Variants in CNTN5 observed in about 807,000 individuals in gnomAD.
The protein encoded by CNTN5 is contactin 5.
CNTN5 carries 77 observed loss-of-function variants against 129.1 expected under a neutral mutation model. The ratio of observed to expected loss-of-function variants is 0.60; its 90% CI spans 0.50 to 0.72. The LOEUF is 0.72. Ranked by LOEUF, CNTN5 falls within the 30% of genes least tolerant of loss-of-function variation. The pLI, the probability that CNTN5 is intolerant of heterozygous loss-of-function variation, is 0.00. For synonymous variants in CNTN5, 509 were observed against 465.6 expected (o/e 1.09, Z -1.20); for missense variants, 1,478 against 1,328.8 (o/e 1.11, Z -1.75).
intron 2 of CNTN5, among the ~76,000 whole-genome samples, chr11:99,414,302 T>G (rs541121445): frequency 2.6e-5 from 4 of 152,110 alleles, no homozygotes; most frequent in African/African-American, 9.6e-5. Context: ...TTGAGCTGGG[T>G]GTGTTGGTGA....
chr11:99,146,179 A>G (rs535124375), intron 1 of CNTN5, among the ~76,000 whole-genome samples: 3 of 152,266 alleles, frequency 2.0e-5, no homozygotes, highest in Non-Finnish European at 4.4e-5. Flanking sequence ...TATTTGTATT[A>G]TATTTAGCCA....
chr11:99,042,588 G>A (rs1031934626), intron 1 of CNTN5, among the ~76,000 whole-genome samples: 2 of 151,864 alleles, frequency 1.3e-5, no homozygotes, highest in Non-Finnish European at 2.9e-5. Context: ...TGTTAGCCAG[G>A]ATGGTCTCGA....
intron 1 of CNTN5, among the ~76,000 whole-genome samples, chr11:99,292,442 T>C (rs1864210520): frequency 6.6e-6 from 1 of 151,960 alleles, no homozygotes; most frequent in African/African-American, 2.4e-5. Context: ...TTTGCTGTTT[T>C]CAGTTCCAAT....
intron 8 of CNTN5, among the ~76,000 whole-genome samples, chr11:99,995,208 C>G (rs919570295): frequency 6.6e-6 from 1 of 151,860 alleles, no homozygotes; most frequent in African/African-American, 2.4e-5. Context: ...AAATGAAACC[C>G]AGAGTTTTCT....
Position 100,169,551 on chromosome 11 carries a change from G to A in CNTN5, c.1581-21575G>A, listed in dbSNP as rs367819140. Among the ~76,000 whole-genome samples, 150 of 152,032 alleles carry A rather than the reference G, an allele frequency of 9.9e-4. 1 individual carries two copies. The South Asian group carries it at 0.028, about 28-fold the overall frequency. On this transcript the variant is annotated intron_variant, in intron 13 of 24. Coordinates refer to ENST00000524871, the MANE Select transcript of CNTN5 (RefSeq NM_014361.4). Reference sequence around the variant, plus strand: ...GCTGAAGGCTCAGATTACGGTTAGCGTTTTATAGCAATAAATTATTTTAAA... The same window carrying A: ...GCTGAAGGCTCAGATTACGGTTAGCATTTTATAGCAATAAATTATTTTAAA...
At chr11:99,446,351 A>T (rs972277242) in intron 2 of CNTN5, among the ~76,000 whole-genome samples, 4 of 152,114 alleles carry the variant, frequency 2.6e-5, no homozygotes, top group African/African-American at 7.2e-5. Flanking sequence ...TATAATTTAG[A>T]TTCTGTCTTT....
chr11:99,627,530 A>T lies in CNTN5; in HGVS notation c.55+71261A>T, dbSNP rs79668910. Among the ~76,000 whole-genome samples, 1,010 of 152,266 alleles carry T rather than the reference A, an allele frequency of 6.6e-3. 65 individuals carry two copies. In the East Asian group the frequency reaches 0.17, roughly 25 times the overall value. ...TACAAGTGAAAATAATTTAAAAATA[A>T]CACTTCAAGGTTATCATGTAGACTA... On this transcript the variant is annotated intron_variant, in intron 3 of 24. Transcript: ENST00000524871.
At chr11:99,472,553 C>T (rs1211628878) in intron 2 of CNTN5, among the ~76,000 whole-genome samples, 3 of 152,186 alleles carry the variant, frequency 2.0e-5, no homozygotes, top group Non-Finnish European at 4.4e-5. Flanking sequence ...TGCGTGAATA[C>T]TTCCTGTGAA....
At chr11:100,092,678 T>A (rs114285815) in intron 13 of CNTN5, among the ~76,000 whole-genome samples, 153 of 152,270 alleles carry the variant, frequency 1.0e-3, no homozygotes, top group African/African-American at 3.6e-3. Flanking sequence ...GTTATATCTG[T>A]ATAAATCATG....
chr11:100,295,880 G>A (rs1180049062), intron 18 of CNTN5, among the ~76,000 whole-genome samples: 1 of 151,334 alleles, frequency 6.6e-6, no homozygotes, highest in Non-Finnish European at 1.5e-5. Flanking sequence ...TTATTTAAAT[G>A]TGAGTTTTCA....
chr11:100,339,333 G>A (rs974670979), intron 21 of CNTN5, among the ~76,000 whole-genome samples: 4 of 152,082 alleles, frequency 2.6e-5, no homozygotes, highest in Non-Finnish European at 5.9e-5. Context: ...ATTTTACTGA[G>A]CAATGAAAAT....
chr11:99,391,004 C>T (rs539430638), intron 2 of CNTN5, among the ~76,000 whole-genome samples: 6 of 152,054 alleles, frequency 3.9e-5, no homozygotes, highest in East Asian at 1.9e-4. Flanking sequence ...ATGATTTTAA[C>T]TAAATAACTT....
At chr11:99,037,231 G>C (rs1207491570) in intron 1 of CNTN5, among the ~76,000 whole-genome samples, 1 of 152,118 alleles carries the variant, frequency 6.6e-6, no homozygotes, top group Non-Finnish European at 1.5e-5. Context: ...TTTTTCACCA[G>C]ACTGGTTTCT....
intron 2 of CNTN5, among the ~76,000 whole-genome samples, chr11:99,520,954 G>C (rs570699126): frequency 6.6e-6 from 1 of 152,054 alleles, no homozygotes; most frequent in Non-Finnish European, 1.5e-5. Flanking sequence ...CAGAATAATA[G>C]CTTTCAATTG....
At chr11:99,943,278 G>A (rs1416883836) in intron 7 of CNTN5, among the ~76,000 whole-genome samples, 1 of 152,094 alleles carries the variant, frequency 6.6e-6, no homozygotes, top group African/African-American at 2.4e-5. Flanking sequence ...GCCCTTGTCT[G>A]ATAACCAGTG....
intron 1 of CNTN5, among the ~76,000 whole-genome samples, chr11:99,177,714 T>C (rs1857846759): frequency 6.6e-6 from 1 of 152,230 alleles, no homozygotes; most frequent in Admixed American, 6.5e-5. Context: ...AAAATGTATA[T>C]ATGAAAAGTG....
At chr11:99,238,160 A>G (rs1565427909) in intron 1 of CNTN5, among the ~76,000 whole-genome samples, 1 of 152,214 alleles carries the variant, frequency 6.6e-6, no homozygotes, top group Non-Finnish European at 1.5e-5. Flanking sequence ...ATCATATTAC[A>G]TATCCATCAA....
intron 2 of CNTN5, among the ~76,000 whole-genome samples, chr11:99,496,575 G>A (rs1328913380): frequency 6.6e-6 from 1 of 152,170 alleles, no homozygotes; most frequent in African/African-American, 2.4e-5. Flanking sequence ...ATTTGTAAAG[G>A]CATACACATA....
At position 99,476,143 on chromosome 11, in the gene CNTN5, C is replaced by G. The variant is rs140562350; in HGVS notation, c.-70-80002C>G. Among the ~76,000 whole-genome samples, 1,415 of 151,932 alleles carry G rather than the reference C, an allele frequency of 9.3e-3. 15 individuals are homozygous for G. Among genetic ancestry groups the G allele is most frequent in the African/African-American group, 0.032 (1,318 of 41,476 alleles). On this transcript the variant is annotated intron_variant, in intron 2 of 24. Coordinates refer to ENST00000524871, the MANE Select transcript of CNTN5 (RefSeq NM_014361.4). ...TCATTCATGTCCTGGCACAATTCCCCAAATTTATTTTATATTTATTTTTCT... is the reference window on the plus strand; with the variant it reads ...TCATTCATGTCCTGGCACAATTCCCGAAATTTATTTTATATTTATTTTTCT...
Sources: gnomAD v4.1 joint callset for allele counts (sites outside exome capture counted in the v4.1 genomes callset) on GRCh38, gnomAD v4.1.1 for gene constraint, MANE v1.5 for transcripts, NCBI Gene and HGNC (gene_info 2026-07-23, HGNC 2026-07-21) for gene names.